Variants in ZBTB8A observed in about 807,000 individuals in gnomAD.
ZBTB8A encodes the protein zinc finger and BTB domain-containing protein 8A.
A neutral mutation model predicts 37.8 loss-of-function variants in ZBTB8A; 19 were observed. That is an observed-to-expected ratio of 0.50 (90% CI 0.35 to 0.74). ZBTB8A has a LOEUF of 0.74. Ranked by LOEUF, ZBTB8A falls within the 30% of genes least tolerant of loss-of-function variation. The pLI is 0.01. For synonymous variants in ZBTB8A, 181 were observed against 185.2 expected (o/e 0.98, Z 0.19); for missense variants, 394 against 537.8 (o/e 0.73, Z 2.65).
At chr1:32,579,699 T>G (rs1378590138) in intron 2 of ZBTB8A, among the ~76,000 whole-genome samples, 2 of 152,136 alleles carry the variant, frequency 1.3e-5, no homozygotes, top group South Asian at 2.1e-4. Context: ...AAAGTGATAG[T>G]AGGACATACC....
rs935456145 is a variant in ZBTB8A, at chr1:32,593,446, C to G, written c.515C>G (p.Thr172Arg). ...TCTCACCTAAGCCCAGAGCAAGGAA[C>G]AGGTATAATAAGTGGAAAATCTTGG... ...PRSHLSPEQG[T>R]GIISGKSWNK... is the part of the protein sequence containing the mutation. The change falls in exon 3 of 5, where the codon ACA becomes AGA. Residue 172 changes from threonine to arginine, a missense_variant. By Grantham distance (71) the Thr-to-Arg change is moderately conservative (BLOSUM62 -1). Transcript: ENST00000373510. The G allele has an allele frequency of 3.1e-6, 5 of 1,613,796 alleles. No individual in the cohort carries two copies. Among genetic ancestry groups the G allele is most frequent in the Admixed American group, 1.7e-5 (1 of 59,968 alleles).
Position 32,600,439 on chromosome 1 carries a change from A to C in ZBTB8A, c.*20A>C. On this transcript the variant is annotated 3_prime_UTR_variant, in exon 5 of 5. Coordinates refer to ENST00000373510, the MANE Select transcript of ZBTB8A (RefSeq NM_001040441.3). ...AGGTAGCTGTAATGTGAACCAACAG[A>C]GCTGGCATGTCTGCAATTTACATTG... 1 of 1,563,690 alleles carries C rather than the reference A, an allele frequency of 6.4e-7. No individual in the cohort carries two copies. Among genetic ancestry groups the C allele is most frequent in the Non-Finnish European group, 8.7e-7 (1 of 1,149,766 alleles).
At position 32,592,178 on chromosome 1, in the gene ZBTB8A, T is replaced by C. The variant is rs1239812916; in HGVS notation, c.-1-753T>C. On this transcript the variant is annotated intron_variant, in intron 2 of 4. Transcript: ENST00000373510. ...GTATTAAGTGATATGTTGAAACCTA[T>C]TATCTTCTGTGTCTTGGCGATTATA... Among the ~76,000 whole-genome samples the C allele has an allele frequency of 2.0e-5, 3 of 152,116 alleles. No homozygotes were observed. In the East Asian group the frequency reaches 5.8e-4, roughly 29 times the overall value.
intron 2 of ZBTB8A, among the ~76,000 whole-genome samples, chr1:32,554,218 A>T (rs908911488): frequency 6.7e-6 from 1 of 150,130 alleles, no homozygotes; most frequent in African/African-American, 2.4e-5. Flanking sequence ...AAAAAAAAAA[A>T]GGGTAAAATT....
chr1:32,560,721 C>T (rs1644238247), intron 2 of ZBTB8A, among the ~76,000 whole-genome samples: 1 of 142,374 alleles, frequency 7.0e-6, no homozygotes, highest in Admixed American at 7.5e-5. Flanking sequence ...CTACCAAGTT[C>T]AAGCAATTCT....
At position 32,593,174 on chromosome 1, in the gene ZBTB8A, C is replaced by T. The variant is rs748041788; in HGVS notation, c.243C>T (p.Asp81=). 5.6e-6 allele frequency: 9 copies of T among 1,614,090 alleles called. No homozygotes were observed. The highest frequency in any genetic ancestry group is 7.6e-6 in the Non-Finnish European group (9 of 1,180,052). ...FSPDTFTVIL[D]FVYSGKLSLT... ...CTGACACTTTTACAGTTATCTTGGA[C>T]TTCGTATATTCTGGCAAACTGTCTC... The change falls in exon 3 of 5, where the codon GAC becomes GAT. Residue 81 remains aspartate (D), a synonymous_variant. Transcript: ENST00000373510.
chr1:32,575,172 A>G (rs1401996016), intron 2 of ZBTB8A, among the ~76,000 whole-genome samples: 1 of 103,422 alleles, frequency 9.7e-6, no homozygotes, highest in Admixed American at 9.0e-5. Context: ...TTTGTTTCCT[A>G]TTTATGCCAA....
chr1:32,550,546 C>G lies in ZBTB8A; in HGVS notation c.-83-2913C>G, dbSNP rs548140536. ...ATGTGCAAGCATCAGCTCCCTTGAA[C>G]CTGGGAGGCAGAGGTTGCAGTGAGC... On this transcript the variant is annotated intron_variant, in intron 1 of 4. Coordinates refer to ENST00000373510, the MANE Select transcript of ZBTB8A (RefSeq NM_001040441.3). Among the ~76,000 whole-genome samples the G allele has an allele frequency of 2.6e-5, 4 of 152,270 alleles. No individual in the cohort carries two copies. In the East Asian group the frequency reaches 7.7e-4, roughly 29 times the overall value.
rs778883045 is a variant in ZBTB8A, at chr1:32,595,143, A to G, written c.913A>G (p.Thr305Ala). The part of the protein sequence containing the change: ...ADLKRHLRCH[T>A]GERPYPCQAC... ...CCTAAAGCGCCACCTTCGTTGTCAT[A>G]CAGGAGAAAGGCCCTATCCATGTCA... Residue 305 changes from threonine (T) to alanine (A), a missense_variant, in exon 4 of 5, where the codon ACA becomes GCA. By Grantham distance (58) the Thr-to-Ala change is moderately conservative. Coordinates refer to ENST00000373510, the MANE Select transcript of ZBTB8A (RefSeq NM_001040441.3). 1.9e-6 allele frequency: 3 copies of G among 1,614,258 alleles called. No individual in the cohort carries two copies. The highest frequency in any genetic ancestry group is 2.5e-6 in the Non-Finnish European group (3 of 1,180,048).
In ZBTB8A at chr1:32,604,703, C is replaced by T. The variant is rs1386578641; in HGVS notation, c.*4284C>T. ...AATGGATGAAAGAAGTTTGGTGCTT[C>T]AATTATTTATGAGCTCAGAACTCAA... is the stretch of plus-strand genomic sequence containing the variant. On this transcript the variant is annotated 3_prime_UTR_variant, in exon 5 of 5. Transcript: ENST00000373510. 1 of 152,110 alleles carries T rather than the reference C, an allele frequency of 6.6e-6. No homozygotes were observed. Among genetic ancestry groups the T allele is most frequent in the African/African-American group, 2.4e-5 (1 of 41,398 alleles). 9.4% of individuals were successfully genotyped at this position (152,110 alleles called of 1,614,324 possible). A position where few individuals can be genotyped will look rare whatever the true frequency, so the allele number is the denominator to read the frequency against.
At position 32,602,875 on chromosome 1, in the gene ZBTB8A, A is replaced by G. The variant is rs950173830; in HGVS notation, c.*2456A>G. The G allele has an allele frequency of 6.6e-6, 1 of 152,120 alleles. No homozygotes were observed. The highest frequency in any genetic ancestry group is 1.9e-4 in the East Asian group (1 of 5,182). The allele number at this position is 152,120 out of a possible 1,614,324, so 9.4% of individuals were successfully genotyped here. A position where few individuals can be genotyped will look rare whatever the true frequency, so the allele number is the denominator to read the frequency against. On this transcript the variant is annotated 3_prime_UTR_variant, in exon 5 of 5. Coordinates refer to ENST00000373510, the MANE Select transcript of ZBTB8A (RefSeq NM_001040441.3). ...CAATTTTACTGTATTTTTAAATGCC[A>G]TGACATACCTCAAAATTATCCTTTT...
In ZBTB8A at chr1:32,601,284, G is replaced by T. The variant is rs143896510; in HGVS notation, c.*865G>T. 2,361 of 167,012 alleles carry T rather than the reference G, an allele frequency of 0.014. 52 individuals carry two copies. Among genetic ancestry groups the T allele is most frequent in the African/African-American group, 0.046 (1,961 of 42,246 alleles). The allele number at this position is 167,012 out of a possible 1,614,324, so 10.3% of individuals were successfully genotyped here. On this transcript the variant is annotated 3_prime_UTR_variant, in exon 5 of 5. Coordinates refer to ENST00000373510, the MANE Select transcript of ZBTB8A (RefSeq NM_001040441.3). ...AGGTCAGGAGTTTGAAACCAGCCTG[G>T]CCAACATGGTGAAACCTCGTCTCTA...
Position 32,593,705 on chromosome 1 carries a change from T to C in ZBTB8A, c.774T>C (p.Val258=). The C allele has an allele frequency of 2.5e-6, 4 of 1,614,146 alleles. No homozygotes were observed. The highest frequency in any genetic ancestry group is 3.4e-6 in the Non-Finnish European group (4 of 1,180,024). Residue 258 remains valine (V), a synonymous_variant, in exon 3 of 5, where the codon GTT becomes GTC. Transcript: ENST00000373510. The part of the protein sequence containing the change: ...QIDAEMDSTP[V]GYQYGQGSDV... ...ATGCTGAAATGGACTCTACTCCTGT[T>C]GGCTATCAGTACGGTCAAGGATCTG...
rs564314196 is a variant in ZBTB8A, at chr1:32,546,443, C to CA, written c.-84+6882dup. 1.7e-3 allele frequency among the ~76,000 whole-genome samples: 223 copies of CA among 134,594 alleles called. 2 individuals are homozygous for CA. The highest frequency in any genetic ancestry group is 7.7e-3 in the South Asian group (33 of 4,306). 88.3% of individuals were successfully genotyped at this position (134,594 alleles called of 152,430 possible). ...TGGGTAACAGAGTGAGACTCTGTCT[C>CA]AAAAAAAAAAATAAATAAATAAATA... On this transcript the variant is annotated intron_variant, in intron 1 of 4. Coordinates refer to ENST00000373510, the MANE Select transcript of ZBTB8A (RefSeq NM_001040441.3).
chr1:32,574,622 A>T (rs555741587), intron 2 of ZBTB8A, among the ~76,000 whole-genome samples: 12 of 152,242 alleles, frequency 7.9e-5, no homozygotes, highest in South Asian at 4.1e-4. Context: ...AAAATTTTTT[A>T]AAAAATTATA....
At chr1:32,589,419 A>T (rs786698) in intron 2 of ZBTB8A, among the ~76,000 whole-genome samples, 5 of 151,184 alleles carry the variant, frequency 3.3e-5, no homozygotes, top group Middle Eastern at 3.4e-3. Flanking sequence ...CCCAGCTAAT[A>T]TTTGTATTTT....
intron 4 of ZBTB8A, among the ~76,000 whole-genome samples, chr1:32,599,400 G>A (rs1644557716): frequency 6.6e-6 from 1 of 151,926 alleles, no homozygotes; most frequent in South Asian, 2.1e-4. Flanking sequence ...CGTAGCCTGG[G>A]TGACAGAGCG....
chr1:32,559,805 T>C (rs1644229982), intron 2 of ZBTB8A, among the ~76,000 whole-genome samples: 1 of 151,826 alleles, frequency 6.6e-6, no homozygotes, highest in Non-Finnish European at 1.5e-5. Context: ...TAAGAGGTGA[T>C]TGGGTTATGA....
chr1:32,562,973 C>G (rs1055071768), intron 2 of ZBTB8A, among the ~76,000 whole-genome samples: 2 of 152,074 alleles, frequency 1.3e-5, no homozygotes, highest in African/African-American at 4.8e-5. Context: ...TAAGACATGT[C>G]CACAGAGTTA....
Sources: gnomAD v4.1 joint callset for allele counts (sites outside exome capture counted in the v4.1 genomes callset) on GRCh38, gnomAD v4.1.1 for gene constraint, MANE v1.5 for transcripts, NCBI Gene and HGNC (gene_info 2026-07-23, HGNC 2026-07-21) for gene names.